KPNA7: variants seen among roughly 807,000 people sequenced by gnomAD.
The protein encoded by KPNA7 is importin subunit alpha-8.
A neutral mutation model predicts 53.7 loss-of-function variants in KPNA7; 54 were observed. The ratio of observed to expected loss-of-function variants is 1.01; its 90% CI spans 0.81 to 1.26. The LOEUF is 1.26. Ranked by LOEUF, KPNA7 falls within the 50% of genes most tolerant of loss-of-function variation. KPNA7 has a pLI of 0.00. For synonymous variants in KPNA7, 276 were observed against 259.3 expected (o/e 1.06, Z -0.62); for missense variants, 640 against 644.5 (o/e 0.99, Z 0.07).
chr7:99,182,195 G>A, intron 8 of KPNA7, 130 bp from the exon 9 acceptor site: 1 of 633,230 alleles, frequency 1.6e-6, no homozygotes, highest in Admixed American at 3.4e-5. Flanking sequence ...AGAATGCCTT[G>A]GCTACCTGCC....
chr7:99,185,056 T>A lies in KPNA7; in HGVS notation c.1007A>T (p.His336Leu). 1 of 1,551,936 alleles carries A rather than the reference T, an allele frequency of 6.4e-7. No homozygotes were observed. The highest frequency in any genetic ancestry group is 8.7e-7 in the Non-Finnish European group (1 of 1,147,038). ...CTCCTTCTGGATGGAGGGCTTGTTG[T>A]GTTGCAGGAGCTGGGGGAGCACGTT... Reference protein sequence around the residue: ...MLNVLPQLLQHNKPSIQKEAA... With the variant: ...MLNVLPQLLQLNKPSIQKEAA... The change falls in exon 8 of 11, where the codon CAC becomes CTC. Residue 336 changes from histidine to leucine, a missense_variant. His to Leu is a moderately conservative substitution (Grantham distance 99). Coordinates refer to ENST00000327442, the MANE Select transcript of KPNA7 (RefSeq NM_001145715.3).
At chr7:99,204,582 A>C (rs1790701444) in intron 2 of KPNA7, among the ~76,000 whole-genome samples, 1 of 152,182 alleles carries the variant, frequency 6.6e-6, no homozygotes, top group Non-Finnish European at 1.5e-5. Context: ...TCTTGCTTGA[A>C]AATGGGTCAT....
chr7:99,197,125 A>T (rs1011862941), intron 3 of KPNA7, among the ~76,000 whole-genome samples: 6 of 152,228 alleles, frequency 3.9e-5, no homozygotes, highest in Admixed American at 6.6e-5. Flanking sequence ...GGCTTACGTC[A>T]GAATTGTCAA....
intron 3 of KPNA7, among the ~76,000 whole-genome samples, chr7:99,198,833 T>C (rs992427453): frequency 6.6e-6 from 1 of 152,006 alleles, no homozygotes; most frequent in Non-Finnish European, 1.5e-5. Context: ...ATAAAACTAT[T>C]TGCAAGTGAC....
At chr7:99,181,187 G>A (rs998738907) in intron 9 of KPNA7, among the ~76,000 whole-genome samples, 11 of 125,622 alleles carry the variant, frequency 8.8e-5, no homozygotes, top group South Asian at 5.3e-4. Flanking sequence ...CTCTCTCTCC[G>A]TCTGTGTCTC....
intron 10 of KPNA7, among the ~76,000 whole-genome samples, chr7:99,177,261 G>A (rs139313163): frequency 9.1e-4 from 138 of 152,250 alleles, no homozygotes; most frequent in African/African-American, 3.3e-3. Context: ...CGGGTAGGGA[G>A]TTTCAGTTTG....
the KPNA7 span, among the ~76,000 whole-genome samples, chr7:99,166,978 C>G: frequency 6.6e-6 from 1 of 152,218 alleles, no homozygotes; most frequent in Admixed American, 6.5e-5. Context: ...TCTGCATTCA[C>G]AGGTGTTATA....
At chr7:99,156,367 T>TAATTTC in the KPNA7 span, among the ~76,000 whole-genome samples, 8 of 152,202 alleles carry the variant, frequency 5.3e-5, no homozygotes, top group Non-Finnish European at 1.2e-4. Flanking sequence ...CATTCTTTTA[T>TAATTTC]AGGTAATCTA....
In KPNA7 at chr7:99,193,121, T is replaced by G. The variant is rs1790047033; in HGVS notation, c.554-20A>C. The G allele has an allele frequency of 6.4e-6, 9 of 1,412,698 alleles. No individual in the cohort carries two copies. Among genetic ancestry groups the G allele is most frequent in the Non-Finnish European group, 8.4e-6 (9 of 1,067,078 alleles). The allele number at this position is 1,412,698 out of a possible 1,614,324, so 87.5% of individuals were successfully genotyped here. Reference sequence around the variant, plus strand: ...CATCACCTACAAATAGAGCAGAATGTGACATTTAGAGAGAGAACAAAGACA... The same window carrying G: ...CATCACCTACAAATAGAGCAGAATGGGACATTTAGAGAGAGAACAAAGACA... On this transcript the variant is annotated intron_variant, in intron 5 of 10. Transcript: ENST00000327442.
intron 2 of KPNA7, among the ~76,000 whole-genome samples, chr7:99,207,085 A>G (rs1003810008): frequency 4.6e-5 from 7 of 151,642 alleles, no homozygotes; most frequent in African/African-American, 1.5e-4. Flanking sequence ...CCCAGGCTGG[A>G]GTGCAGTGGC....
At chr7:99,207,277 C>T in intron 2 of KPNA7, 124 bp downstream of exon 2, 1 of 754,532 alleles carries the variant, frequency 1.3e-6, no homozygotes. Context: ...TTGTGATCTG[C>T]CCGTCTCAGC....
intron 10 of KPNA7, among the ~76,000 whole-genome samples, chr7:99,174,865 C>CA (rs1204859257): frequency 6.6e-6 from 1 of 150,642 alleles, no homozygotes; most frequent in Non-Finnish European, 1.5e-5. Context: ...GGCTGGAGTA[C>CA]AGTGGCATGA....
intron 1 of KPNA7, among the ~76,000 whole-genome samples, chr7:99,215,301 G>GTGCCGGGCTGAGGCACTTGAATC (rs1791187188): frequency 6.8e-6 from 1 of 146,684 alleles, no homozygotes; most frequent in African/African-American, 2.5e-5. Context: ...GAACCCGGGA[G>GTGCCGGGCTGAGGCACTTGAATC]GCAGAGGTTG....
At chr7:99,207,073 C>T (rs1402683956) in intron 2 of KPNA7, among the ~76,000 whole-genome samples, 13 of 151,860 alleles carry the variant, frequency 8.6e-5, no homozygotes, top group Admixed American at 5.3e-4. Flanking sequence ...TCTCTCTTGT[C>T]GCCCAGGCTG....
rs1024898088 is a variant in KPNA7, at chr7:99,195,059, G to A, written c.553+11C>T. On this transcript the variant is annotated intron_variant, in intron 5 of 10. Coordinates refer to ENST00000327442, the MANE Select transcript of KPNA7 (RefSeq NM_001145715.3). ...CCCCGTTTTCTTAGCCCACTAAGGGGAGAGTCTCACCGGCTATATTACCAA... is the reference window on the plus strand; with the variant it reads ...CCCCGTTTTCTTAGCCCACTAAGGGAAGAGTCTCACCGGCTATATTACCAA... The A allele has an allele frequency of 7.7e-6, 12 of 1,550,556 alleles. No homozygotes were observed. In the Middle Eastern group the frequency reaches 1.0e-3, roughly 129 times the overall value.
intron 3 of KPNA7, among the ~76,000 whole-genome samples, chr7:99,199,876 C>G (rs534228726): frequency 6.6e-6 from 1 of 152,066 alleles, no homozygotes; most frequent in South Asian, 2.1e-4. Flanking sequence ...TCTTACAACT[C>G]AATAAAAAAT....
Position 99,181,971 on chromosome 7 carries a change from C to T in KPNA7, c.1229G>A (p.Gly410Glu). The T allele has an allele frequency of 7.7e-6, 12 of 1,551,314 alleles. No homozygotes were observed. The highest frequency in any genetic ancestry group is 9.6e-6 in the Non-Finnish European group (11 of 1,146,688). The change falls in exon 9 of 11, where the codon GGG (glycine) becomes GAG (glutamate). Residue 410 changes from glycine to glutamate, a missense_variant. Transcript: ENST00000327442. ...MDQLIQLVHS[G>E]VLEPLVNLLT... ...CAGATTCACCAGTGGCTCCAGGACC[C>T]CAGAGTGGACGAGCTGGATCAGCTG...
At chr7:99,197,372 G>GA (rs1252222298) in intron 3 of KPNA7, among the ~76,000 whole-genome samples, 1 of 152,128 alleles carries the variant, frequency 6.6e-6, no homozygotes, top group Non-Finnish European at 1.5e-5. Flanking sequence ...TGGGGCAATG[G>GA]AAAATCTGAT....
chr7:99,172,564 G>A (rs1049563374), downstream of KPNA7, among the ~76,000 whole-genome samples: 1 of 152,104 alleles, frequency 6.6e-6, no homozygotes, highest in African/African-American at 2.4e-5. Flanking sequence ...TCTTTAAAAG[G>A]TTAGCTGCAT....
Sources: allele counts gnomAD v4.1 joint callset (sites outside exome capture counted in the v4.1 genomes callset), GRCh38; gene constraint gnomAD v4.1.1; transcripts MANE v1.5; gene names NCBI Gene and HGNC (gene_info 2026-07-23, HGNC 2026-07-21).